The following UTRN variants were observed in gnomAD, a reference collection of about 807,000 sequenced individuals.
UTRN encodes the protein utrophin.
UTRN carries 283 observed loss-of-function variants against 463.9 expected under a neutral mutation model. That is an observed-to-expected ratio of 0.61 (90% confidence interval 0.55 to 0.67). UTRN has a LOEUF of 0.67. Among genes scored for constraint, UTRN ranks in the 30% least tolerant of loss-of-function variants. The pLI is 0.00. For missense variants in UTRN, 3,922 were observed against 4,084.3 expected (o/e 0.96, Z 1.08); for synonymous variants, 1,442 against 1,431.5 (o/e 1.01, Z -0.17).
intron 2 of UTRN, among the ~76,000 whole-genome samples, chr6:144,356,503 G>T (rs1173075547): frequency 6.6e-6 from 1 of 152,118 alleles, no homozygotes; most frequent in Non-Finnish European, 1.5e-5. Context: ...TATTATTATT[G>T]TTGTTGGTAT....
At position 144,771,896 on chromosome 6, in the gene UTRN, T is replaced by G. The variant is rs1794068860; in HGVS notation, c.8496-11T>G. On this transcript the variant is annotated splice_polypyrimidine_tract_variant and intron_variant, in intron 58 of 74. Coordinates refer to ENST00000367545, the MANE Select transcript of UTRN (RefSeq NM_007124.3). Reference sequence around the variant, plus strand: ...TTTGTTTATTTTTAAAATTTTACCTTTTTTTTCCAGCCATCAAACACAGAC... The same window carrying G: ...TTTGTTTATTTTTAAAATTTTACCTGTTTTTTCCAGCCATCAAACACAGAC... The G allele has an allele frequency of 6.3e-7, 1 of 1,580,378 alleles. No homozygotes were observed. The highest frequency in any genetic ancestry group is 8.5e-7 in the Non-Finnish European group (1 of 1,169,910).
intron 26 of UTRN, 104 bp from the exon 27 acceptor site, chr6:144,482,105 A>T (rs1200113954): frequency 1.0e-6 from 1 of 993,424 alleles, no homozygotes; most frequent in Non-Finnish European, 1.4e-6. Context: ...AATCATCCAG[A>T]TGTTTTAACT....
At chr6:144,746,754 G>A (rs1416113527) in intron 54 of UTRN, among the ~76,000 whole-genome samples, 3 of 152,158 alleles carry the variant, frequency 2.0e-5, no homozygotes. Flanking sequence ...TGGGATTACA[G>A]GCATGAGCTG....
intron 2 of UTRN, among the ~76,000 whole-genome samples, chr6:144,309,784 C>T (rs181920052): frequency 1.3e-5 from 2 of 152,282 alleles, no homozygotes; most frequent in East Asian, 3.9e-4. Flanking sequence ...CTCCCCATTC[C>T]AGTTGTAATA....
intron 2 of UTRN, among the ~76,000 whole-genome samples, chr6:144,385,097 A>G (rs1781294371): frequency 6.6e-6 from 1 of 152,186 alleles, no homozygotes; most frequent in Admixed American, 6.5e-5. Context: ...CACGAGTTAT[A>G]TTTTATACAG....
At chr6:144,395,542 AT>A (rs1782331983) in intron 2 of UTRN, among the ~76,000 whole-genome samples, 1 of 152,098 alleles carries the variant, frequency 6.6e-6, no homozygotes, top group Non-Finnish European at 1.5e-5. Context: ...TATCTCCTAT[AT>A]TCCTATGCAT....
chr6:144,755,693 G>A (rs1791917311), intron 57 of UTRN, among the ~76,000 whole-genome samples: 1 of 151,952 alleles, frequency 6.6e-6, no homozygotes, highest in African/African-American at 2.4e-5. Context: ...AAAGCAATTT[G>A]TTTCATTTAA....
chr6:144,428,941 G>A (rs1785539713), intron 8 of UTRN, 48 bp downstream of exon 8: 2 of 1,268,916 alleles, frequency 1.6e-6, no homozygotes, highest in Middle Eastern at 1.9e-4. Context: ...TTACAGTTTT[G>A]CATTCTTGAA....
intron 50 of UTRN, among the ~76,000 whole-genome samples, chr6:144,572,575 G>A (rs1024885322): frequency 1.3e-5 from 2 of 151,930 alleles, no homozygotes; most frequent in African/African-American, 4.8e-5. Context: ...AGGCCCCGGT[G>A]TGTGATGTTT....
chr6:144,475,172 G>A (rs1791062731), intron 25 of UTRN, among the ~76,000 whole-genome samples: 1 of 152,204 alleles, frequency 6.6e-6, no homozygotes, highest in Non-Finnish European at 1.5e-5. Flanking sequence ...TGAGGCAGAT[G>A]GATAATGAAT....
At chr6:144,602,904 GTAGTT>G (rs1804414526) in intron 51 of UTRN, among the ~76,000 whole-genome samples, 1 of 152,198 alleles carries the variant, frequency 6.6e-6, no homozygotes, top group Admixed American at 6.5e-5. Flanking sequence ...ACTTAATAGA[GTAGTT>G]TAGTGTAAAA....
rs1785098227 is a variant in UTRN, at chr6:144,424,217, G to T, written c.405+139G>T. The T allele has an allele frequency of 4.6e-6, 4 of 875,142 alleles. No homozygotes were observed. In the South Asian group the frequency reaches 6.8e-5, roughly 15 times the overall value. The allele number at this position is 875,142 out of a possible 1,614,324, so 54.2% of individuals were successfully genotyped here. On this transcript the variant is annotated intron_variant, in intron 6 of 74. Coordinates refer to ENST00000367545, the MANE Select transcript of UTRN (RefSeq NM_007124.3). Reference sequence around the variant, plus strand: ...AATTTGTTGTCTCCCAGTTCTGGAGGCCAGAAGTCCAAGATCAAGGCATCA... The same window carrying T: ...AATTTGTTGTCTCCCAGTTCTGGAGTCCAGAAGTCCAAGATCAAGGCATCA...
chr6:144,537,923 A>G (rs567816270), intron 44 of UTRN, among the ~76,000 whole-genome samples: 9 of 152,344 alleles, frequency 5.9e-5, no homozygotes, highest in Admixed American at 3.9e-4. Flanking sequence ...TTATGTAAAA[A>G]GAACAAACTA....
Position 144,459,287 on chromosome 6 carries a change from T to C in UTRN, c.2640T>C (p.Asp880=). 1 of 1,614,084 alleles carries C rather than the reference T, an allele frequency of 6.2e-7. No homozygotes were observed. The change falls in exon 21 of 75, where the codon GAT becomes GAC. Residue 880 remains aspartate, a synonymous_variant. Transcript: ENST00000367545. ...SAPDFVQRGF[D]SFLGRYQAVQ... is the part of the protein sequence containing the mutation. ...CAGATTTTGTCCAGCGGGGCTTCGA[T>C]AGCTTTCTGGGCCGCTACCAAGCTG...
At chr6:144,415,551 C>A (rs901457378) in intron 3 of UTRN, among the ~76,000 whole-genome samples, 4 of 152,044 alleles carry the variant, frequency 2.6e-5, no homozygotes, top group Non-Finnish European at 4.4e-5. Flanking sequence ...AAAACATGAT[C>A]TGTGGTAGAA....
chr6:144,681,318 G>C (rs578079717), intron 52 of UTRN, among the ~76,000 whole-genome samples: 317 of 152,134 alleles, frequency 2.1e-3, no homozygotes, highest in Non-Finnish European at 3.5e-3. Context: ...ATTAGAAGAG[G>C]GCAAAGAAGT....
chr6:144,576,992 A>T, intron 50 of UTRN, 107 bp from the exon 51 acceptor site: 2 of 1,043,924 alleles, frequency 1.9e-6, no homozygotes, highest in East Asian at 5.2e-5. Context: ...ACTTGAATAA[A>T]AGGTCCTTTG....
chr6:144,710,968 A>G (rs1475963615), intron 53 of UTRN, among the ~76,000 whole-genome samples: 1 of 152,152 alleles, frequency 6.6e-6, no homozygotes, highest in African/African-American at 2.4e-5. Flanking sequence ...AATTCCCTCA[A>G]ATGTTAACAT....
intron 55 of UTRN, among the ~76,000 whole-genome samples, chr6:144,751,195 AAAAAG>A (rs1189673846): frequency 6.6e-6 from 1 of 152,230 alleles, no homozygotes; most frequent in African/African-American, 2.4e-5. Context: ...AAAACAGAAT[AAAAAG>A]AAAACACGAA....
Sources: allele counts gnomAD v4.1 joint callset (sites outside exome capture counted in the v4.1 genomes callset), GRCh38; gene constraint gnomAD v4.1.1; transcripts MANE v1.5; gene names NCBI Gene and HGNC (gene_info 2026-07-23, HGNC 2026-07-21).